Variants in ATP6V1A observed in about 807,000 individuals in gnomAD.
ATP6V1A encodes the protein V-type proton ATPase catalytic subunit A.
A neutral mutation model predicts 70.1 loss-of-function variants in ATP6V1A; 18 were observed. The ratio of observed to expected loss-of-function variants is 0.26; its 90% CI spans 0.18 to 0.38. The LOEUF is 0.38. ATP6V1A is among the 10% of genes least tolerant of loss of function. The pLI is 1.00. For missense variants in ATP6V1A, 424 were observed against 772.4 expected (o/e 0.55, Z 5.35); for synonymous variants, 232 against 253.8 (o/e 0.91, Z 0.82).
chr3:113,784,083 A>G (rs541889359), intron 3 of ATP6V1A, 141 bp from the exon 4 acceptor site: 6 of 722,854 alleles, frequency 8.3e-6, no homozygotes, highest in East Asian at 8.0e-5. Context: ...TACTGAAAAC[A>G]CTATGAATCC....
chr3:113,754,186 TTA>T (rs1164678818), intron 1 of ATP6V1A, among the ~76,000 whole-genome samples: 3 of 152,296 alleles, frequency 2.0e-5, no homozygotes, highest in African/African-American at 7.2e-5. Context: ...ACACTTTACA[TTA>T]TATGTTTTTA....
At chr3:113,770,922 G>A (rs1012744188) in intron 1 of ATP6V1A, among the ~76,000 whole-genome samples, 7 of 151,898 alleles carry the variant, frequency 4.6e-5, no homozygotes, top group South Asian at 2.1e-4. Flanking sequence ...GTGAAACCCC[G>A]TCTCTACTAA....
chr3:113,774,270 C>T (rs1708883736), intron 1 of ATP6V1A, among the ~76,000 whole-genome samples: 1 of 152,018 alleles, frequency 6.6e-6, no homozygotes, highest in Admixed American at 6.6e-5. Flanking sequence ...GATTTGGTAG[C>T]GAGGTAAGAA....
chr3:113,767,483 A>G (rs904781539), intron 1 of ATP6V1A, among the ~76,000 whole-genome samples: 1 of 152,186 alleles, frequency 6.6e-6, no homozygotes, highest in Admixed American at 6.5e-5. Context: ...AAATGATATA[A>G]TACGCACTTT....
intron 1 of ATP6V1A, among the ~76,000 whole-genome samples, chr3:113,765,426 G>A (rs1395432315): frequency 1.3e-5 from 2 of 151,978 alleles, no homozygotes; most frequent in Non-Finnish European, 2.9e-5. Context: ...CCAATGTGGT[G>A]AAACCCCATC....
In ATP6V1A at chr3:113,786,161, G is replaced by A. The variant is rs960013066; in HGVS notation, c.565-71G>A. On this transcript the variant is annotated intron_variant, in intron 5 of 14. Transcript: ENST00000273398. ...ACCTTCCTAACCCCAAGGAGAATCG[G>A]GTTACTTTGATTTTGAAGGAAGAAA... 141 of 1,430,996 alleles carry A rather than the reference G, an allele frequency of 9.9e-5. 1 individual carries two copies. The highest frequency in any genetic ancestry group is 1.3e-4 in the Non-Finnish European group (135 of 1,048,752). 88.6% of individuals were successfully genotyped at this position (1,430,996 alleles called of 1,614,324 possible).
intron 8 of ATP6V1A, among the ~76,000 whole-genome samples, chr3:113,793,755 A>T (rs754878205): frequency 4.1e-4 from 62 of 152,148 alleles, no homozygotes; most frequent in Non-Finnish European, 6.2e-4. Flanking sequence ...GAAAGATGCA[A>T]TATGATAAAT....
At chr3:113,795,293 A>G in intron 10 of ATP6V1A, 89 bp downstream of exon 10, 1 of 1,369,994 alleles carries the variant, frequency 7.3e-7, no homozygotes, top group Non-Finnish European at 1.0e-6. Flanking sequence ...TAAAGAGAGA[A>G]TATTTAGCTC....
At chr3:113,791,728 T>C (rs2108035726) in intron 8 of ATP6V1A, among the ~76,000 whole-genome samples, 1 of 152,292 alleles carries the variant, frequency 6.6e-6, no homozygotes, top group East Asian at 1.9e-4. Flanking sequence ...CTCACCCACT[T>C]TTCATTTAGT....
intron 1 of ATP6V1A, among the ~76,000 whole-genome samples, chr3:113,760,807 C>T (rs1708694915): frequency 7.0e-6 from 1 of 143,808 alleles, no homozygotes; most frequent in Admixed American, 6.9e-5. Context: ...AGTGGCTCAC[C>T]CCTGTAATCC....
In ATP6V1A at chr3:113,796,013, C is replaced by G. The variant is rs111497050; in HGVS notation, c.1290+74C>G. 2,510 of 1,260,422 alleles carry G rather than the reference C, an allele frequency of 2.0e-3. 36 individuals carry two copies. In the African/African-American group the frequency reaches 0.033, roughly 17 times the overall value. 78.1% of individuals were successfully genotyped at this position (1,260,422 alleles called of 1,614,324 possible). A position where few individuals can be genotyped will look rare whatever the true frequency, so the allele number is the denominator to read the frequency against. ...GCAGCCCCTGCTGTTCTAATGCGATCTAATGTAATCGTTGTGAAGTATTTA... is the reference window on the plus strand; with the variant it reads ...GCAGCCCCTGCTGTTCTAATGCGATGTAATGTAATCGTTGTGAAGTATTTA... On this transcript the variant is annotated intron_variant, in intron 11 of 14. Transcript: ENST00000273398.
rs762901487 is a variant in ATP6V1A, at chr3:113,772,933, C to CTTTTTTTTTTTTTTT, written c.-13-5800_-13-5786dup. 3.6e-4 allele frequency among the ~76,000 whole-genome samples: 33 copies of CTTTTTTTTTTTTTTT among 90,450 alleles called. 1 individual carries two copies. The highest frequency in any genetic ancestry group is 1.4e-3 in the African/African-American group (31 of 22,346). The allele number at this position is 90,450 out of a possible 152,430, so 59.3% of individuals were successfully genotyped here. On this transcript the variant is annotated intron_variant, in intron 1 of 14. Coordinates refer to ENST00000273398, the MANE Select transcript of ATP6V1A (RefSeq NM_001690.4). ...CATTTTTTTCTCCACTTAATATTGG[C>CTTTTTTTTTTTTTTT]TTTTTTTTTTTTTTTTTTTTTTGAG...
At chr3:113,765,291 C>A (rs1487556483) in intron 1 of ATP6V1A, among the ~76,000 whole-genome samples, 1 of 152,020 alleles carries the variant, frequency 6.6e-6, no homozygotes, top group Non-Finnish European at 1.5e-5. Flanking sequence ...TAGTAAAATA[C>A]AATGTTATGT....
chr3:113,797,390 A>G (rs1709164670), intron 11 of ATP6V1A, among the ~76,000 whole-genome samples: 1 of 151,524 alleles, frequency 6.6e-6, no homozygotes, highest in Admixed American at 6.6e-5. Context: ...GTAAGCTGGC[A>G]TTACAGGCAT....
chr3:113,797,125 C>G (rs1043793689), intron 11 of ATP6V1A, among the ~76,000 whole-genome samples: 12 of 152,012 alleles, frequency 7.9e-5, no homozygotes, highest in Non-Finnish European at 1.8e-4. Flanking sequence ...TTAATAGAGA[C>G]AATATTTCAC....
rs781611225 is a variant in ATP6V1A at position 113,748,212 on chromosome 3, T to A, written c.-14+1099T>A. On this transcript the variant is annotated intron_variant, in intron 1 of 14. Coordinates refer to ENST00000273398, the MANE Select transcript of ATP6V1A (RefSeq NM_001690.4). ...GAAAATACAGAAATTGTTGTCCAAT[T>A]GAAAATACAGGTGTTGTCCAACCCA... 6.4e-4 allele frequency among the ~76,000 whole-genome samples: 98 copies of A among 152,184 alleles called. 3 individuals are homozygous for A. The highest frequency in any genetic ancestry group is 2.6e-4 in the Non-Finnish European group (18 of 68,036).
intron 10 of ATP6V1A, 50 bp from the exon 11 acceptor site, chr3:113,795,826 A>G: frequency 7.0e-7 from 1 of 1,422,928 alleles, no homozygotes; most frequent in Non-Finnish European, 9.7e-7. Context: ...TTTCATAAGC[A>G]TTTCTAATGA....
At chr3:113,804,278 C>A (rs1709251418) in intron 13 of ATP6V1A, among the ~76,000 whole-genome samples, 1 of 152,068 alleles carries the variant, frequency 6.6e-6, no homozygotes, top group Non-Finnish European at 1.5e-5. Flanking sequence ...AGGCATGAGC[C>A]AACACGCCTG....
At chr3:113,790,129 G>T (rs1709075737) in intron 8 of ATP6V1A, among the ~76,000 whole-genome samples, 1 of 151,544 alleles carries the variant, frequency 6.6e-6, no homozygotes, top group Admixed American at 6.6e-5. Context: ...AAATTGGCTG[G>T]GCGTGGTGGC....
Sources: gnomAD v4.1 joint callset for allele counts (sites outside exome capture counted in the v4.1 genomes callset) on GRCh38, gnomAD v4.1.1 for gene constraint, MANE v1.5 for transcripts, NCBI Gene and HGNC (gene_info 2026-07-23, HGNC 2026-07-21) for gene names.